The following PBX3 variants were observed in gnomAD, a reference collection of about 807,000 sequenced individuals.
PBX3 encodes the protein pre-B-cell leukemia transcription factor 3.
A neutral mutation model predicts 48.5 loss-of-function variants in PBX3; 14 were observed. The ratio of observed to expected loss-of-function variants is 0.29; its 90% CI spans 0.19 to 0.45. The LOEUF is 0.45. Ranked by LOEUF, PBX3 falls within the 20% of genes least tolerant of loss-of-function variation. The pLI is 1.00. For missense variants in PBX3, 386 were observed against 546.7 expected, an observed-to-expected ratio of 0.71 and a Z score of 2.93; for synonymous variants, 210 against 200.3, an observed-to-expected ratio of 1.05 and a Z score of -0.41.
At position 125,761,603 on chromosome 9, in the gene PBX3, T is replaced by TTAA. The variant is rs544824012; in HGVS notation, c.274+12994_274+12996dup. On this transcript the variant is annotated intron_variant, in intron 2 of 8. Coordinates refer to ENST00000373489, the MANE Select transcript of PBX3 (RefSeq NM_006195.6). ...AGCTACAGGGCCCCACTCATCTCAG[T>TTAA]TAATAATAATAATAATTTTAAAAAG... Among the ~76,000 whole-genome samples the TTAA allele has an allele frequency of 1.7e-4, 26 of 152,118 alleles. No homozygotes were observed. The East Asian group carries it at 4.0e-3, about 24-fold the overall frequency.
chr9:125,851,550 A>G (rs1839578305), intron 2 of PBX3, among the ~76,000 whole-genome samples: 1 of 152,110 alleles, frequency 6.6e-6, no homozygotes, highest in Admixed American at 6.6e-5. Context: ...ATGTTGGCCT[A>G]AAAAATACTT....
At chr9:125,826,842 A>G (rs1032140287) in intron 2 of PBX3, among the ~76,000 whole-genome samples, 4 of 152,188 alleles carry the variant, frequency 2.6e-5, no homozygotes, top group Admixed American at 2.6e-4. Context: ...TAAGGTATCC[A>G]TCACCTTAAG....
chr9:125,880,312 G>C (rs558001154), intron 2 of PBX3, among the ~76,000 whole-genome samples: 1 of 152,292 alleles, frequency 6.6e-6, no homozygotes, highest in African/African-American at 2.4e-5. Context: ...CAAAGTGTTG[G>C]GATTACAGGC....
intron 2 of PBX3, among the ~76,000 whole-genome samples, chr9:125,886,662 T>C (rs1465148065): frequency 6.6e-6 from 1 of 152,160 alleles, no homozygotes. Context: ...GTGTATTTTT[T>C]CCCTTTTCTC....
intron 5 of PBX3, among the ~76,000 whole-genome samples, chr9:125,941,369 G>A (rs139758511): frequency 1.9e-4 from 29 of 152,320 alleles, no homozygotes; most frequent in Middle Eastern, 3.4e-3. Context: ...GGCTTTCACT[G>A]TGAGATGGGG....
At chr9:125,913,925 G>C (rs868001720) in intron 2 of PBX3, among the ~76,000 whole-genome samples, 1 of 152,156 alleles carries the variant, frequency 6.6e-6, no homozygotes, top group Non-Finnish European at 1.5e-5. Flanking sequence ...ATAAGAGATT[G>C]CTCAGTAAGC....
chr9:125,955,338 C>T (rs2118786899), intron 5 of PBX3, among the ~76,000 whole-genome samples: 1 of 152,314 alleles, frequency 6.6e-6, no homozygotes. Flanking sequence ...TGCTCCTCCC[C>T]AGGTACCAAT....
intron 2 of PBX3, among the ~76,000 whole-genome samples, chr9:125,893,801 A>C (rs1338404994): frequency 6.6e-6 from 1 of 152,212 alleles, no homozygotes; most frequent in Non-Finnish European, 1.5e-5. Flanking sequence ...ATTCACGCTT[A>C]GGAATCCAGT....
chr9:125,903,130 C>G (rs887392943), intron 2 of PBX3, among the ~76,000 whole-genome samples: 64 of 151,748 alleles, frequency 4.2e-4, no homozygotes, highest in African/African-American at 1.5e-3. Flanking sequence ...AAAGATCTTT[C>G]TTTTTTTGTT....
At chr9:125,960,941 G>GTC (rs1842416946) in intron 6 of PBX3, 92 bp downstream of exon 6, 9 of 450,354 alleles carry the variant, frequency 2.0e-5, no homozygotes, top group Non-Finnish European at 3.3e-5. Flanking sequence ...GCCATACTGA[G>GTC]GACAGAGTGG....
At chr9:125,788,611 G>A (rs1428034013) in intron 2 of PBX3, among the ~76,000 whole-genome samples, 2 of 151,842 alleles carry the variant, frequency 1.3e-5, no homozygotes, top group Non-Finnish European at 2.9e-5. Flanking sequence ...GGTGGCTTAC[G>A]TCTGTAATCC....
intron 2 of PBX3, among the ~76,000 whole-genome samples, chr9:125,772,599 T>C (rs1836967924): frequency 6.6e-6 from 1 of 152,226 alleles, no homozygotes; most frequent in South Asian, 2.1e-4. Flanking sequence ...ACCTAATTTT[T>C]CCTGAGCTTT....
At chr9:125,931,922 G>C (rs1841725654) in intron 4 of PBX3, among the ~76,000 whole-genome samples, 1 of 152,044 alleles carries the variant, frequency 6.6e-6, no homozygotes, top group African/African-American at 2.4e-5. Flanking sequence ...TTGGTCTTTA[G>C]GATTATTTCC....
intron 2 of PBX3, among the ~76,000 whole-genome samples, chr9:125,794,236 C>T (rs190184978): frequency 2.6e-3 from 402 of 152,284 alleles, no homozygotes; most frequent in African/African-American, 8.7e-3. Flanking sequence ...AAAGTGTTCT[C>T]TGTGGACTGG....
At chr9:125,801,734 C>T (rs188668115) in intron 2 of PBX3, among the ~76,000 whole-genome samples, 247 of 150,058 alleles carry the variant, frequency 1.6e-3, no homozygotes, top group African/African-American at 5.4e-3. Flanking sequence ...TGTTCTTCAC[C>T]TAGTTTTGTA....
intron 5 of PBX3, among the ~76,000 whole-genome samples, chr9:125,945,330 A>C (rs1842043893): frequency 6.6e-6 from 1 of 152,172 alleles, no homozygotes; most frequent in Non-Finnish European, 1.5e-5. Context: ...AGAGTAAGTG[A>C]AGATATAATA....
intron 2 of PBX3, among the ~76,000 whole-genome samples, chr9:125,793,706 A>C (rs1266511785): frequency 1.3e-5 from 2 of 152,136 alleles, no homozygotes; most frequent in Admixed American, 6.5e-5. Flanking sequence ...CTGGGATTAC[A>C]GGCACGAGCC....
chr9:125,817,710 A>C (rs1363731918), intron 2 of PBX3, among the ~76,000 whole-genome samples: 1 of 152,176 alleles, frequency 6.6e-6, no homozygotes, highest in Admixed American at 6.5e-5. Context: ...TTTGATTCTA[A>C]CTCACTGTAA....
At chr9:125,796,755 T>A (rs1837792621) in intron 2 of PBX3, among the ~76,000 whole-genome samples, 1 of 152,086 alleles carries the variant, frequency 6.6e-6, no homozygotes, top group African/African-American at 2.4e-5. Context: ...GGAGGTCTTT[T>A]TAAAAGCAGT....
Sources: allele counts gnomAD v4.1 joint callset (sites outside exome capture counted in the v4.1 genomes callset), GRCh38; gene constraint gnomAD v4.1.1; transcripts MANE v1.5; gene names NCBI Gene and HGNC (gene_info 2026-07-23, HGNC 2026-07-21).